Variants in PTPRD observed in about 807,000 individuals in gnomAD.
PTPRD encodes the protein receptor-type tyrosine-protein phosphatase delta.
PTPRD carries 34 observed loss-of-function variants against 214.5 expected under a neutral mutation model. The observed-to-expected ratio is 0.16, with a 90% CI of 0.12 to 0.21. The LOEUF (loss-of-function observed/expected upper bound fraction) is 0.21, where lower values mean the gene tolerates loss of function less well. Among genes scored for constraint, PTPRD ranks in the 10% least tolerant of loss-of-function variants. The pLI is 1.00. For missense variants in PTPRD, 2,545 were observed against 2,398.7 expected, an observed-to-expected ratio of 1.06 and a Z score of -1.27; for synonymous variants, 1,128 against 845.7, an observed-to-expected ratio of 1.33 and a Z score of -5.79.
chr9:10,274,017 T>G (rs1272143571), intron 3 of PTPRD, among the ~76,000 whole-genome samples: 1 of 152,134 alleles, frequency 6.6e-6, no homozygotes, highest in Non-Finnish European at 1.5e-5. Flanking sequence ...TCTGTTTGTA[T>G]CCTCCTAACA....
chr9:9,947,503 TATATATATAATATATATA>T (rs2153985740), intron 4 of PTPRD, among the ~76,000 whole-genome samples: 1 of 31,602 alleles, frequency 3.2e-5, no homozygotes, highest in East Asian at 4.5e-3. Flanking sequence ...ATATATATTT[TATATATATAATATATATA>T]TTATATATAT....
At chr9:8,334,322 T>TC (rs1287596330) in intron 43 of PTPRD, among the ~76,000 whole-genome samples, 1 of 151,050 alleles carries the variant, frequency 6.6e-6, no homozygotes, top group Non-Finnish European at 1.5e-5. Flanking sequence ...AGAATGGAAA[T>TC]CATAACAAAC....
intron 33 of PTPRD, among the ~76,000 whole-genome samples, chr9:8,450,988 A>G (rs2095918675): frequency 6.6e-6 from 1 of 151,992 alleles, no homozygotes; most frequent in African/African-American, 2.4e-5. Flanking sequence ...TCTCTGTTCG[A>G]TGTGACTGTG....
chr9:9,195,767 C>T (rs1169242067), intron 9 of PTPRD, among the ~76,000 whole-genome samples: 4 of 149,862 alleles, frequency 2.7e-5, no homozygotes, highest in African/African-American at 9.8e-5. Flanking sequence ...TATACATAGG[C>T]TGTAAATTAT....
At chr9:10,058,337 A>G (rs1030631434) in intron 3 of PTPRD, among the ~76,000 whole-genome samples, 4 of 152,100 alleles carry the variant, frequency 2.6e-5, no homozygotes, top group South Asian at 2.1e-4. Flanking sequence ...TGTATAGCCA[A>G]TCGATAGCTA....
At chr9:10,593,108 T>G (rs2075872996) in intron 2 of PTPRD, among the ~76,000 whole-genome samples, 1 of 151,900 alleles carries the variant, frequency 6.6e-6, no homozygotes, top group African/African-American at 2.4e-5. Flanking sequence ...CCAGACACAG[T>G]AGAATATAAT....
At chr9:9,170,116 AAAC>A (rs1206212834) in intron 10 of PTPRD, among the ~76,000 whole-genome samples, 1 of 152,208 alleles carries the variant, frequency 6.6e-6, no homozygotes, top group Non-Finnish European at 1.5e-5. Context: ...TGATTTAGCC[AAAC>A]AATAAATATC....
At chr9:8,360,530 G>A (rs2078211356) in intron 39 of PTPRD, among the ~76,000 whole-genome samples, 1 of 152,154 alleles carries the variant, frequency 6.6e-6, no homozygotes. Context: ...GGTTCCTTCT[G>A]AATGGTCTTG....
At chr9:9,314,746 G>GT (rs1168319064) in intron 9 of PTPRD, among the ~76,000 whole-genome samples, 2 of 151,944 alleles carry the variant, frequency 1.3e-5, no homozygotes, top group African/African-American at 4.8e-5. Flanking sequence ...GAAATGAATG[G>GT]TTTTTATTTT....
chr9:8,845,888 C>T (rs985976689), intron 11 of PTPRD, among the ~76,000 whole-genome samples: 2 of 152,156 alleles, frequency 1.3e-5, no homozygotes, highest in African/African-American at 4.8e-5. Flanking sequence ...ATTTGAATAA[C>T]AACAGATTGG....
intron 5 of PTPRD, among the ~76,000 whole-genome samples, chr9:9,860,495 T>C (rs1016274262): frequency 1.3e-5 from 2 of 152,214 alleles, no homozygotes; most frequent in African/African-American, 4.8e-5. Context: ...GATAAAGATA[T>C]TGAGCAATAT....
chr9:10,437,879 C>T (rs563892715), intron 2 of PTPRD, among the ~76,000 whole-genome samples: 3 of 150,374 alleles, frequency 2.0e-5, no homozygotes, highest in East Asian at 2.0e-4. Context: ...GTAGATGAGG[C>T]CGCCTTTCCT....
rs191725067 is a variant in PTPRD, at chr9:9,543,872, C to A, written c.-237+30860G>T. ...AATACGTGCTTAACTATTGTTAAAA[C>A]AATTTGTGTTTATTAAACGTATATT... On this transcript the variant is annotated intron_variant, in intron 8 of 45. Coordinates refer to ENST00000381196, the MANE Select transcript of PTPRD (RefSeq NM_002839.4). Among the ~76,000 whole-genome samples, 506 of 151,684 alleles carry A rather than the reference C, an allele frequency of 3.3e-3. 2 individuals are homozygous for A. The highest frequency in any genetic ancestry group is 4.6e-3 in the Non-Finnish European group (312 of 67,676).
intron 4 of PTPRD, among the ~76,000 whole-genome samples, chr9:9,944,399 A>C (rs1391794608): frequency 2.1e-5 from 3 of 140,704 alleles, no homozygotes; most frequent in Admixed American, 2.1e-4. Flanking sequence ...TAAGGCTGGC[A>C]CTTAAAATAC....
At chr9:8,932,592 T>C (rs1043891985) in intron 11 of PTPRD, among the ~76,000 whole-genome samples, 1 of 152,134 alleles carries the variant, frequency 6.6e-6, no homozygotes, top group Non-Finnish European at 1.5e-5. Context: ...ATCTGGAGAT[T>C]CAGTCTGGCT....
chr9:8,625,978 T>C (rs1276167184), intron 14 of PTPRD, among the ~76,000 whole-genome samples: 1 of 151,828 alleles, frequency 6.6e-6, no homozygotes, highest in East Asian at 1.9e-4. Flanking sequence ...TCATTGTTTT[T>C]TTAATAAGAT....
intron 3 of PTPRD, among the ~76,000 whole-genome samples, chr9:10,240,985 C>T (rs2090915679): frequency 6.9e-6 from 1 of 145,564 alleles, no homozygotes; most frequent in South Asian, 2.2e-4. Flanking sequence ...TCATATATTA[C>T]AATTTGAAAG....
chr9:9,986,550 G>T (rs535568318), intron 4 of PTPRD, among the ~76,000 whole-genome samples: 5 of 152,066 alleles, frequency 3.3e-5, no homozygotes, highest in Non-Finnish European at 7.4e-5. Context: ...ATTAACAATA[G>T]TTATCTCCCA....
chr9:8,505,896 A>C (rs2097534843), intron 22 of PTPRD, among the ~76,000 whole-genome samples: 1 of 152,156 alleles, frequency 6.6e-6, no homozygotes, highest in African/African-American at 2.4e-5. Flanking sequence ...GGTCGTGATG[A>C]AGGTTTAAAC....
Sources: allele counts gnomAD v4.1 joint callset (sites outside exome capture counted in the v4.1 genomes callset), GRCh38; gene constraint gnomAD v4.1.1; transcripts MANE v1.5; gene names NCBI Gene and HGNC (gene_info 2026-07-23, HGNC 2026-07-21).